Variants in CDYL2 observed in about 807,000 individuals in gnomAD.
CDYL2 encodes chromodomain Y like 2, also known as chromodomain Y-like protein 2.
In CDYL2, 23 loss-of-function variants were observed where a neutral mutation model predicts 49.4. The observed-to-expected ratio is 0.47, with a 90% CI of 0.34 to 0.66. CDYL2 has a LOEUF of 0.66. Among genes scored for constraint, CDYL2 ranks in the 30% least tolerant of loss-of-function variants. The pLI is 0.01. For missense variants in CDYL2, 678 were observed against 656.4 expected, an observed-to-expected ratio of 1.03 and a Z score of -0.36; for synonymous variants, 360 against 268.8, an observed-to-expected ratio of 1.34 and a Z score of -3.32.
chr16:80,731,473 G>C (rs907222825), intron 1 of CDYL2, among the ~76,000 whole-genome samples: 3 of 152,112 alleles, frequency 2.0e-5, no homozygotes, highest in African/African-American at 4.8e-5. Flanking sequence ...AAGAATATGT[G>C]TTTCCAGATT....
At chr16:80,651,821 A>T (rs1484751747) in intron 2 of CDYL2, among the ~76,000 whole-genome samples, 1 of 152,244 alleles carries the variant, frequency 6.6e-6, no homozygotes, top group Non-Finnish European at 1.5e-5. Context: ...CCATGGCGGT[A>T]GGGGCTAACA....
chr16:80,742,977 G>A (rs554739724), intron 1 of CDYL2, among the ~76,000 whole-genome samples: 2 of 130,354 alleles, frequency 1.5e-5, no homozygotes, highest in South Asian at 2.6e-4. Flanking sequence ...TGGATGAATC[G>A]ATAGGTGAGT....
chr16:80,701,070 A>G (rs1376245776), intron 1 of CDYL2, among the ~76,000 whole-genome samples: 1 of 151,924 alleles, frequency 6.6e-6, no homozygotes, highest in Admixed American at 6.5e-5. Flanking sequence ...GCCACTGGGA[A>G]AAAAATCTGC....
intron 2 of CDYL2, among the ~76,000 whole-genome samples, chr16:80,633,770 G>C (rs535825765): frequency 6.6e-6 from 1 of 152,180 alleles, no homozygotes; most frequent in Non-Finnish European, 1.5e-5. Flanking sequence ...TGAATACCAA[G>C]CAGGCAGTAT....
chr16:80,672,669 A>G (rs1909578610), intron 2 of CDYL2, among the ~76,000 whole-genome samples: 1 of 152,204 alleles, frequency 6.6e-6, no homozygotes, highest in African/African-American at 2.4e-5. Context: ...CCTTGTTACC[A>G]TCTGGAGGCT....
At chr16:80,710,923 T>C (rs1904574305) in intron 1 of CDYL2, among the ~76,000 whole-genome samples, 1 of 152,218 alleles carries the variant, frequency 6.6e-6, no homozygotes, top group Admixed American at 6.5e-5. Context: ...AATTTGAAAT[T>C]TTAGTTTCAT....
At chr16:80,773,855 T>C (rs887203194) in intron 1 of CDYL2, among the ~76,000 whole-genome samples, 1 of 151,748 alleles carries the variant, frequency 6.6e-6, no homozygotes, top group Admixed American at 6.6e-5. Context: ...TAAACAACCA[T>C]GTCAAGAATT....
At chr16:80,681,762 C>T (rs550101510) in intron 2 of CDYL2, among the ~76,000 whole-genome samples, 1 of 152,308 alleles carries the variant, frequency 6.6e-6, no homozygotes, top group South Asian at 2.1e-4. Flanking sequence ...GAGCCAGCCT[C>T]GGGCGCCTTC....
At chr16:80,696,038 A>G (rs896121386) in intron 1 of CDYL2, among the ~76,000 whole-genome samples, 1 of 152,250 alleles carries the variant, frequency 6.6e-6, no homozygotes, top group African/African-American at 2.4e-5. Context: ...AATTGAAATC[A>G]TATCAATTAT....
At chr16:80,802,257 C>A (rs138159171) in intron 1 of CDYL2, among the ~76,000 whole-genome samples, 1 of 152,294 alleles carries the variant, frequency 6.6e-6, no homozygotes, top group Non-Finnish European at 1.5e-5. Context: ...CCTCTTAACA[C>A]CTTCAAGACA....
chr16:80,764,689 C>T lies in CDYL2; in HGVS notation c.24+39461G>A, dbSNP rs184147985. Reference sequence around the variant, plus strand: ...TATATACTGTAGTGGTCATCGCCATCCGTGGGAAAAGAAGTTAAGAAAATA... The same window carrying T: ...TATATACTGTAGTGGTCATCGCCATTCGTGGGAAAAGAAGTTAAGAAAATA... On this transcript the variant is annotated intron_variant, in intron 1 of 6. Transcript: ENST00000570137. Among the ~76,000 whole-genome samples the T allele has an allele frequency of 4.4e-4, 67 of 152,082 alleles. No individual in the cohort carries two copies. The Middle Eastern group carries it at 0.01, about 23-fold the overall frequency.
At chr16:80,653,602 A>T (rs1281221164) in intron 2 of CDYL2, among the ~76,000 whole-genome samples, 1 of 152,222 alleles carries the variant, frequency 6.6e-6, no homozygotes, top group African/African-American at 2.4e-5. Context: ...TTAAGGGTAC[A>T]TGAGACGTCC....
Position 80,612,648 on chromosome 16 carries a change from G to A in CDYL2, c.1196C>T (p.Pro399Leu). The A allele has an allele frequency of 6.2e-7, 1 of 1,610,854 alleles. No homozygotes were observed. The highest frequency in any genetic ancestry group is 8.5e-7 in the Non-Finnish European group (1 of 1,178,788). Residue 399 changes from proline (P) to leucine (L), a missense_variant, in exon 5 of 7, where the codon CCC (proline) becomes CTC (leucine). By Grantham distance (98) the Pro-to-Leu change is moderately conservative (BLOSUM62 -3). Transcript: ENST00000570137. The surrounding 1 kb of genome is among the most constrained non-coding windows in gnomAD (Gnocchi z 5.0). ...TACCAGCGCGACGCCCAGGATCTGGGGGAAGGTGTAGGAGGAGCAGCCAGC... is the reference window on the plus strand; with the variant it reads ...TACCAGCGCGACGCCCAGGATCTGGAGGAAGGTGTAGGAGGAGCAGCCAGC... Reference protein sequence around the residue: ...TPAGCSSYTFPQILGVALANE... With the variant: ...TPAGCSSYTFLQILGVALANE...
intron 1 of CDYL2, among the ~76,000 whole-genome samples, chr16:80,696,754 G>T (rs548627813): frequency 1.1e-4 from 17 of 151,212 alleles, no homozygotes; most frequent in Middle Eastern, 3.4e-3. Context: ...GAAAAGTCCA[G>T]AACAGGATGG....
At chr16:80,657,972 G>T (rs1454553785) in intron 2 of CDYL2, among the ~76,000 whole-genome samples, 1 of 151,752 alleles carries the variant, frequency 6.6e-6, no homozygotes, top group East Asian at 1.9e-4. Context: ...CTCTAAAAAA[G>T]AAAGAGCTAT....
intron 1 of CDYL2, among the ~76,000 whole-genome samples, chr16:80,735,696 T>G (rs1005005571): frequency 6.6e-6 from 1 of 152,186 alleles, no homozygotes; most frequent in Non-Finnish European, 1.5e-5. Context: ...TAGACCTTTT[T>G]TTCTCAGGGA....
intron 3 of CDYL2, among the ~76,000 whole-genome samples, chr16:80,630,119 G>C (rs1034035079): frequency 3.9e-5 from 6 of 152,044 alleles, no homozygotes; most frequent in African/African-American, 7.2e-5. Flanking sequence ...CCTTCATTAC[G>C]GGCTGCTTTA....
At chr16:80,729,876 A>T (rs1443942085) in intron 1 of CDYL2, among the ~76,000 whole-genome samples, 1 of 152,070 alleles carries the variant, frequency 6.6e-6, no homozygotes, top group Admixed American at 6.6e-5. Context: ...AAATGAAGGC[A>T]GAAATAAAGA....
At chr16:80,630,283 G>A (rs903809872) in intron 3 of CDYL2, among the ~76,000 whole-genome samples, 1 of 152,226 alleles carries the variant, frequency 6.6e-6, no homozygotes, top group African/African-American at 2.4e-5. Flanking sequence ...CCGCAGCTCA[G>A]GAGGTGAGAA....
Sources: allele counts gnomAD v4.1 joint callset (sites outside exome capture counted in the v4.1 genomes callset), GRCh38; gene constraint gnomAD v4.1.1; non-coding constraint Gnocchi (gnomAD v3.1); transcripts MANE v1.5; gene names NCBI Gene and HGNC (gene_info 2026-07-23, HGNC 2026-07-21).